SIDT1: variants seen among roughly 807,000 people sequenced by gnomAD.
The protein encoded by SIDT1 is SID1 transmembrane family, member 1.
A neutral mutation model predicts 107.5 loss-of-function variants in SIDT1; 101 were observed. The observed-to-expected ratio is 0.94, with a 90% CI of 0.80 to 1.11. The LOEUF is 1.11. Among genes scored for constraint, SIDT1 ranks in the 50% least tolerant of loss-of-function variants. The pLI, the probability that SIDT1 is intolerant of heterozygous loss-of-function variation, is 0.00. For missense variants in SIDT1, 1,076 were observed against 1,058.2 expected (o/e 1.02, Z -0.23); for synonymous variants, 395 against 398.2 (o/e 0.99, Z 0.10).
At chr3:113,601,557 A>G in intron 10 of SIDT1, 31 bp from the exon 11 acceptor site, 1 of 1,516,218 alleles carries the variant, frequency 6.6e-7, no homozygotes, top group Non-Finnish European at 9.2e-7. Context: ...AACTGGACAT[A>G]AAGTGTTTGC....
intron 21 of SIDT1, chr3:113,619,979 A>G (rs375634901): frequency 1.4e-5 from 5 of 357,604 alleles, no homozygotes; most frequent in African/African-American, 4.2e-5. Flanking sequence ...ATGTGGATAC[A>G]TTGGATAGAA....
chr3:113,572,442 T>C (rs776194968), intron 3 of SIDT1, among the ~76,000 whole-genome samples: 1 of 152,198 alleles, frequency 6.6e-6, no homozygotes, highest in Non-Finnish European at 1.5e-5. Flanking sequence ...ATCTTTAAGA[T>C]GTTGGATGCT....
intron 1 of SIDT1, among the ~76,000 whole-genome samples, chr3:113,538,737 A>G (rs920659688): frequency 2.6e-5 from 4 of 152,212 alleles, no homozygotes; most frequent in African/African-American, 9.6e-5. Flanking sequence ...CCTCCTCCAC[A>G]TAGCTTTGTT....
chr3:113,621,969 A>G (rs1031911706), intron 21 of SIDT1, among the ~76,000 whole-genome samples: 7 of 152,186 alleles, frequency 4.6e-5, no homozygotes, highest in Non-Finnish European at 8.8e-5. Context: ...TTTAATAGCC[A>G]TATGTGGCTA....
intron 17 of SIDT1, among the ~76,000 whole-genome samples, 181 bp from the exon 18 acceptor site, chr3:113,610,827 C>A (rs1242995441): frequency 6.6e-6 from 1 of 152,072 alleles, no homozygotes; most frequent in African/African-American, 2.4e-5. Flanking sequence ...GGAGTACGTG[C>A]GGTCTCCTAG....
intron 5 of SIDT1, 128 bp downstream of exon 5, chr3:113,580,837 C>T (rs1048445277): frequency 9.2e-6 from 6 of 654,606 alleles, no homozygotes; most frequent in African/African-American, 5.4e-5. Context: ...CTAAACAATA[C>T]GAACAGTATC....
chr3:113,617,072 T>A (rs940712309), intron 20 of SIDT1, among the ~76,000 whole-genome samples: 1 of 152,216 alleles, frequency 6.6e-6, no homozygotes, highest in Non-Finnish European at 1.5e-5. Flanking sequence ...TGTACCCTTA[T>A]AAATAATCAT....
intron 10 of SIDT1, among the ~76,000 whole-genome samples, chr3:113,598,652 C>T (rs888177085): frequency 1.3e-5 from 2 of 152,188 alleles, no homozygotes; most frequent in African/African-American, 4.8e-5. Context: ...CTTGATCTCT[C>T]AGCATCTCCC....
At chr3:113,576,990 T>G (rs1044881539) in intron 4 of SIDT1, 23 bp downstream of exon 4, 1 of 1,612,048 alleles carries the variant, frequency 6.2e-7, no homozygotes, top group Non-Finnish European at 8.5e-7. Context: ...GTTCCAAGAG[T>G]TATCAACATC....
At chr3:113,607,158 CTT>C in intron 15 of SIDT1, 44 bp downstream of exon 15, 4 of 1,175,800 alleles carry the variant, frequency 3.4e-6, no homozygotes, top group Non-Finnish European at 3.8e-6. Flanking sequence ...TTAGAGATGC[CTT>C]TCTGTCTAAT....
intron 4 of SIDT1, among the ~76,000 whole-genome samples, chr3:113,580,009 C>A (rs1489618055): frequency 6.6e-6 from 1 of 152,112 alleles, no homozygotes; most frequent in Admixed American, 6.6e-5. Context: ...TCAGCCTGCC[C>A]GCAATTGTGA....
rs115810284 is a variant in SIDT1 at position 113,585,005 on chromosome 3, A to G, written c.908-172A>G. The stretch of plus-strand genomic sequence containing the variant: ...CTGGGAAGTCATCATTGTGAAAGGT[A>G]GCTACTGTGGATAATGTCTGGGGAC... On this transcript the variant is annotated intron_variant, in intron 8 of 24. Coordinates refer to ENST00000264852, the MANE Select transcript of SIDT1 (RefSeq NM_017699.3). Among the ~76,000 whole-genome samples the G allele has an allele frequency of 8.3e-3, 1,267 of 152,328 alleles. 17 individuals are homozygous for G. Among genetic ancestry groups the G allele is most frequent in the African/African-American group, 0.028 (1,180 of 41,570 alleles).
chr3:113,583,441 G>A lies in SIDT1; in HGVS notation c.780G>A (p.Val260=). 1 of 1,599,174 alleles carries A rather than the reference G, an allele frequency of 6.3e-7. No homozygotes were observed. The highest frequency in any genetic ancestry group is 8.5e-7 in the Non-Finnish European group (1 of 1,169,676). The change falls in exon 7 of 25, where the codon GTG becomes GTA. Residue 260 remains valine (V), a synonymous_variant. Transcript: ENST00000264852. ...ATTTTCCAGGCGAGCAGTTCTTCGT[G>A]GTATTTGTGATAAAGCCTGAAGATT... ...KKDFPGEQFF[V]VFVIKPEDYA...
intron 24 of SIDT1, among the ~76,000 whole-genome samples, chr3:113,626,433 A>G (rs1247954523): frequency 6.6e-6 from 1 of 152,070 alleles, no homozygotes; most frequent in African/African-American, 2.4e-5. Flanking sequence ...ATCTTTAGAC[A>G]CAGAGGGACA....
intron 3 of SIDT1, among the ~76,000 whole-genome samples, chr3:113,570,623 T>A (rs909236988): frequency 2.0e-5 from 3 of 152,202 alleles, no homozygotes; most frequent in African/African-American, 7.2e-5. Flanking sequence ...AACCAGACTT[T>A]AAGAGCATTT....
At chr3:113,608,700 T>A (rs1040259185) in intron 17 of SIDT1, among the ~76,000 whole-genome samples, 164 bp downstream of exon 17, 3 of 152,228 alleles carry the variant, frequency 2.0e-5, no homozygotes, top group Non-Finnish European at 2.9e-5. Flanking sequence ...ATTGAGCAGT[T>A]AGACTGCTTT....
chr3:113,541,069 G>A (rs1219980349), intron 1 of SIDT1, among the ~76,000 whole-genome samples: 2 of 151,744 alleles, frequency 1.3e-5, no homozygotes, highest in Non-Finnish European at 2.9e-5. Context: ...GCCATTACGA[G>A]CTATATTGTC....
intron 19 of SIDT1, 84 bp from the exon 20 acceptor site, chr3:113,616,016 C>A: frequency 1.1e-6 from 1 of 880,474 alleles, no homozygotes; most frequent in South Asian, 1.3e-5. Context: ...TGACATCATT[C>A]TGGCTCCAAA....
At chr3:113,591,567 C>T (rs1484217310) in intron 9 of SIDT1, among the ~76,000 whole-genome samples, 2 of 151,938 alleles carry the variant, frequency 1.3e-5, no homozygotes, top group Non-Finnish European at 2.9e-5. Context: ...GACTCTGGTA[C>T]TGACATAAAG....
Sources: allele counts gnomAD v4.1 joint callset (sites outside exome capture counted in the v4.1 genomes callset), GRCh38; gene constraint gnomAD v4.1.1; transcripts MANE v1.5; gene names NCBI Gene and HGNC (gene_info 2026-07-23, HGNC 2026-07-21).